The following EIF4E2 variants were observed in gnomAD, a reference collection of about 807,000 sequenced individuals.
EIF4E2 encodes the protein eukaryotic translation initiation factor 4E family member 2.
Under a neutral mutation model 34.2 loss-of-function variants are expected in EIF4E2, and 13 were observed. That is an observed-to-expected ratio of 0.38 (90% confidence interval 0.25 to 0.60). The LOEUF (loss-of-function observed/expected upper bound fraction) is 0.60. Ranked by LOEUF, EIF4E2 falls within the 20% of genes least tolerant of loss-of-function variation. The pLI, the probability that EIF4E2 is intolerant of heterozygous loss-of-function variation, is 0.62. For missense variants in EIF4E2, 222 were observed against 315.1 expected (o/e 0.70, Z 2.24); for synonymous variants, 100 against 106.6 (o/e 0.94, Z 0.38).
At chr2:232,574,330 C>G in intron 6 of EIF4E2, 3 of 1,550,588 alleles carry the variant, frequency 1.9e-6, no homozygotes, top group East Asian at 2.4e-5. Flanking sequence ...CCCTCTGTCT[C>G]TCACACTCAG....
Position 232,550,740 on chromosome 2 carries a change from G to C in EIF4E2, c.16G>C (p.Asp6His). Residue 6 changes from aspartate (D) to histidine (H), a missense_variant, in exon 1 of 7, where the codon GAC (aspartate) becomes CAC (histidine). By Grantham distance (81) the Asp-to-His change is moderately conservative (BLOSUM62 -1). This residue lies in a region of EIF4E2 where 87 missense variants were observed against 93.6 expected (regional missense o/e 0.93). Transcript: ENST00000258416. ...CGGCGAGAGGATGAACAACAAGTTC[G>C]ACGCGTGAGTGGCTCGTGGCCGCCC... MNNKF[D>H]ALKDDDSGDH... The C allele has an allele frequency of 6.3e-7, 1 of 1,584,744 alleles. No homozygotes were observed. The highest frequency in any genetic ancestry group is 8.6e-7 in the Non-Finnish European group (1 of 1,167,348).
At chr2:232,570,957 G>C (rs992070648), downstream of EIF4E2, among the ~76,000 whole-genome samples, 1 of 152,140 alleles carries the variant, frequency 6.6e-6, no homozygotes, top group Non-Finnish European at 1.5e-5. Context: ...AGAATTCCAA[G>C]GAAAATGAAG....
intron 6 of EIF4E2, among the ~76,000 whole-genome samples, chr2:232,575,994 A>G (rs1354883462): frequency 6.6e-6 from 1 of 152,138 alleles, no homozygotes; most frequent in Non-Finnish European, 1.5e-5. Context: ...TCACGAGGTC[A>G]AGAGATCGAG....
At chr2:232,553,098 G>T (rs376697107) in intron 1 of EIF4E2, among the ~76,000 whole-genome samples, 1 of 152,158 alleles carries the variant, frequency 6.6e-6, no homozygotes, top group East Asian at 1.9e-4. Flanking sequence ...TCTAATCTCC[G>T]TTACTGTATG....
At chr2:232,570,594 G>A (rs1176446351), downstream of EIF4E2, among the ~76,000 whole-genome samples, 1 of 152,138 alleles carries the variant, frequency 6.6e-6, no homozygotes, top group African/African-American at 2.4e-5. Flanking sequence ...ATTCCTTGTG[G>A]CTCTTCCATG....
intron 4 of EIF4E2, among the ~76,000 whole-genome samples, chr2:232,565,727 A>T (rs1363014482): frequency 6.6e-6 from 1 of 152,212 alleles, no homozygotes; most frequent in Non-Finnish European, 1.5e-5. Flanking sequence ...TAACAGCAGC[A>T]CTTATAATTA....
At chr2:232,572,266 G>A (rs1418734103), downstream of EIF4E2, among the ~76,000 whole-genome samples, 3 of 152,174 alleles carry the variant, frequency 2.0e-5, no homozygotes, top group Admixed American at 6.5e-5. Flanking sequence ...CCTCTTGGCC[G>A]AGCTGTGGGC....
At chr2:232,567,518 G>T (rs1692977936) in intron 6 of EIF4E2, 2 of 1,241,818 alleles carry the variant, frequency 1.6e-6, no homozygotes, top group South Asian at 3.9e-5. Flanking sequence ...ATCTTAAAAT[G>T]AAAGACAAGT....
At chr2:232,569,343 C>A, downstream of EIF4E2, 1 of 898,418 alleles carries the variant, frequency 1.1e-6, no homozygotes, top group Non-Finnish European at 1.4e-6. Context: ...TTTCCATAAG[C>A]CCATTGTGTA....
At chr2:232,575,244 C>T (rs751165156) in intron 6 of EIF4E2, among the ~76,000 whole-genome samples, 17 of 152,290 alleles carry the variant, frequency 1.1e-4, no homozygotes, top group South Asian at 4.1e-4. Context: ...GCATCCCTCC[C>T]GTGGGCTAGA....
downstream of EIF4E2, among the ~76,000 whole-genome samples, chr2:232,570,051 A>G (rs948220107): frequency 1.3e-5 from 2 of 152,004 alleles, no homozygotes; most frequent in Non-Finnish European, 2.9e-5. Flanking sequence ...ATAAACAATC[A>G]TTTTTTTGCA....
exon 7 of EIF4E2, chr2:232,582,767 G>A (rs979764697): frequency 1.3e-5 from 2 of 152,268 alleles, no homozygotes; most frequent in African/African-American, 4.8e-5. Flanking sequence ...TGAGTGAGTG[G>A]TCAGGCCTCC....
intron 1 of EIF4E2, chr2:232,551,158 T>C: frequency 1.9e-6 from 1 of 522,294 alleles, no homozygotes; most frequent in Non-Finnish European, 3.8e-6. Flanking sequence ...GCCTCAGTTT[T>C]CTCATCTGCA....
intron 6 of EIF4E2, chr2:232,567,747 A>G: frequency 1.0e-6 from 1 of 988,650 alleles, no homozygotes; most frequent in Non-Finnish European, 1.2e-6. Context: ...GGAAGCATGA[A>G]GGCCACAGGG....
intron 1 of EIF4E2, 114 bp from the exon 2 acceptor site, chr2:232,556,302 G>A (rs1692520082): frequency 1.3e-6 from 1 of 786,884 alleles, no homozygotes; most frequent in African/African-American, 1.7e-5. Context: ...CTCAGGGCCT[G>A]AATTTGAGTG....
rs928031905 is a variant in EIF4E2 at position 232,550,977 on chromosome 2, G to A, written c.20+233G>A. On this transcript the variant is annotated intron_variant, in intron 1 of 6. Coordinates refer to ENST00000258416, the MANE Select transcript of EIF4E2 (RefSeq NM_004846.4). ...CGAGGGCGAAGAGCTGGGCCCGGGG[G>A]AGGGGTGGCTGTGCCGCCCGGTAGG... 40 of 616,380 alleles carry A rather than the reference G, an allele frequency of 6.5e-5. No individual in the cohort carries two copies. In the South Asian group the frequency reaches 7.5e-4, roughly 12 times the overall value. 38.2% of individuals were successfully genotyped at this position (616,380 alleles called of 1,614,324 possible). A position where few individuals can be genotyped will look rare whatever the true frequency, so the allele number is the denominator to read the frequency against.
downstream of EIF4E2, among the ~76,000 whole-genome samples, chr2:232,572,558 G>A (rs13394993): frequency 0.22 from 32,989 of 151,958 alleles, 4,368 homozygotes; most frequent in East Asian, 0.35. Flanking sequence ...GTAGAGACGG[G>A]GTTTCACCAT....
chr2:232,554,103 A>C (rs1692435848), intron 1 of EIF4E2, among the ~76,000 whole-genome samples: 1 of 152,198 alleles, frequency 6.6e-6, no homozygotes, highest in South Asian at 2.1e-4. Flanking sequence ...ATCAGGAGAC[A>C]GAACTGGCCA....
At chr2:232,552,424 G>C (rs1257819892) in intron 1 of EIF4E2, among the ~76,000 whole-genome samples, 2 of 152,014 alleles carry the variant, frequency 1.3e-5, no homozygotes, top group Non-Finnish European at 2.9e-5. Context: ...TGTTGCCCAG[G>C]CCGATCTCGA....
Sources: allele counts gnomAD v4.1 joint callset (sites outside exome capture counted in the v4.1 genomes callset), GRCh38; gene constraint gnomAD v4.1.1; regional missense constraint gnomAD v4.1.1; transcripts MANE v1.5; gene names NCBI Gene and HGNC (gene_info 2026-07-23, HGNC 2026-07-21).